Variants in SEC22C observed in about 807,000 individuals in gnomAD.
SEC22C encodes SEC22 homolog C, vesicle trafficking protein.
In SEC22C, 29 loss-of-function variants were observed where a neutral mutation model predicts 34.7. The ratio of observed to expected loss-of-function variants is 0.84; its 90% CI spans 0.62 to 1.14. SEC22C has a LOEUF of 1.14. SEC22C is among the 50% of genes most tolerant of loss of function. The pLI is 0.00. For synonymous variants in SEC22C, 117 were observed against 132.8 expected (o/e 0.88, Z 0.82); for missense variants, 337 against 369.0 (o/e 0.91, Z 0.71).
intron 1 of SEC22C, chr3:42,600,931 C>T (rs1705343301): frequency 2.5e-6 from 3 of 1,192,972 alleles, no homozygotes; most frequent in Middle Eastern, 3.0e-4. Flanking sequence ...CGCCCCTGCC[C>T]TCGCCCCCGC....
chr3:42,550,366 T>C lies in SEC22C; in HGVS notation c.*2882A>G, dbSNP rs963558640. ...TCCATGGTGGAGTGAGGATAACTCC[T>C]GGGATTTGGAACCAGTTTGCTGGTA... is the stretch of plus-strand genomic sequence containing the variant. On this transcript the variant is annotated 3_prime_UTR_variant, in exon 7 of 7. Coordinates refer to ENST00000264454, the MANE Select transcript of SEC22C (RefSeq NM_032970.4). 5.7e-5 allele frequency: 56 copies of C among 985,314 alleles called. No homozygotes were observed. The highest frequency in any genetic ancestry group is 1.0e-3 in the Middle Eastern group (2 of 1,936). The allele number at this position is 985,314 out of a possible 1,614,324, so 61.0% of individuals were successfully genotyped here.
chr3:42,552,924 G>A lies in SEC22C; in HGVS notation c.*324C>T. On this transcript the variant is annotated 3_prime_UTR_variant, in exon 7 of 7. Coordinates refer to ENST00000264454, the MANE Select transcript of SEC22C (RefSeq NM_032970.4). ...GTGTTATTGAATCAAGTGGTTTACT[G>A]TATCATTCAACTTAAAAGACCAAAA... 2 of 1,124,056 alleles carry A rather than the reference G, an allele frequency of 1.8e-6. No homozygotes were observed. Among genetic ancestry groups the A allele is most frequent in the Non-Finnish European group, 2.2e-6 (2 of 914,264 alleles). 69.6% of individuals were successfully genotyped at this position (1,124,056 alleles called of 1,614,324 possible).
At chr3:42,590,871 C>T in intron 1 of SEC22C, 1 of 1,605,452 alleles carries the variant, frequency 6.2e-7, no homozygotes, top group Non-Finnish European at 8.5e-7. Flanking sequence ...AGTTGCTTGG[C>T]GGTCGTGGTT....
chr3:42,552,062 G>T lies in SEC22C; in HGVS notation c.*1186C>A. The T allele has an allele frequency of 1.0e-6, 1 of 985,416 alleles. No homozygotes were observed. The highest frequency in any genetic ancestry group is 1.2e-6 in the Non-Finnish European group (1 of 829,922). 61.0% of individuals were successfully genotyped at this position (985,416 alleles called of 1,614,324 possible). A position where few individuals can be genotyped will look rare whatever the true frequency, so the allele number is the denominator to read the frequency against. ...AAAACAAGCCAGGCTGAAATTTCGG[G>T]AAACCTAAGGGATCTTATCCAGAAC... is the stretch of plus-strand genomic sequence containing the variant. On this transcript the variant is annotated 3_prime_UTR_variant, in exon 7 of 7. Coordinates refer to ENST00000264454, the MANE Select transcript of SEC22C (RefSeq NM_032970.4).
intron 1 of SEC22C, chr3:42,590,818 T>C: frequency 2.1e-6 from 3 of 1,430,750 alleles, no homozygotes; most frequent in Non-Finnish European, 3.0e-6. Flanking sequence ...GGCGGGAGCA[T>C]CCAATCAACT....
intron 5 of SEC22C, among the ~76,000 whole-genome samples, chr3:42,556,428 C>T (rs1049300208): frequency 6.6e-6 from 1 of 152,168 alleles, no homozygotes; most frequent in Non-Finnish European, 1.5e-5. Flanking sequence ...CTAATGTATA[C>T]AAACAAACAG....
intron 1 of SEC22C, chr3:42,600,384 G>C (rs1300009694): frequency 6.6e-6 from 1 of 152,228 alleles, no homozygotes; most frequent in Non-Finnish European, 1.5e-5. Context: ...CGCGGTATCG[G>C]AAAATGCGCG....
intron 2 of SEC22C, 111 bp from the exon 3 acceptor site, chr3:42,563,797 C>CCTGTAG: frequency 6.4e-7 from 1 of 1,559,432 alleles, no homozygotes; most frequent in Non-Finnish European, 8.7e-7. Flanking sequence ...TTTAAACAGT[C>CCTGTAG]CTGTAGCTGT....
At chr3:42,591,882 G>T (rs1704860983) in intron 1 of SEC22C, among the ~76,000 whole-genome samples, 1 of 152,162 alleles carries the variant, frequency 6.6e-6, no homozygotes, top group African/African-American at 2.4e-5. Flanking sequence ...CAACAGGGAT[G>T]GGGGTGAGAG....
rs145214891 is a variant in SEC22C, at chr3:42,581,677, T to C, written c.-28+169A>G. Among the ~76,000 whole-genome samples the C allele has an allele frequency of 3.0e-3, 461 of 152,314 alleles. 3 individuals are homozygous for C. Among genetic ancestry groups the C allele is most frequent in the African/African-American group, 0.011 (445 of 41,576 alleles). Reference sequence around the variant, plus strand: ...TGACGGGAGAAAGGGGACAGAGGACTCCAAGAAGCCCAGTGAAGCCCCGTG... The same window carrying C: ...TGACGGGAGAAAGGGGACAGAGGACCCCAAGAAGCCCAGTGAAGCCCCGTG... On this transcript the variant is annotated intron_variant, in intron 1 of 6. Coordinates refer to ENST00000264454, the MANE Select transcript of SEC22C (RefSeq NM_032970.4).
intron 1 of SEC22C, among the ~76,000 whole-genome samples, chr3:42,578,077 TA>T (rs1274322805): frequency 3.3e-5 from 5 of 152,114 alleles, no homozygotes; most frequent in African/African-American, 1.2e-4. Flanking sequence ...CCCAGAGAAA[TA>T]AAAATTTGTG....
chr3:42,600,461 T>C (rs964016943), intron 1 of SEC22C: 1 of 151,816 alleles, frequency 6.6e-6, no homozygotes, highest in Non-Finnish European at 1.5e-5. Flanking sequence ...ATTGGGCGAC[T>C]GACTTCAAAG....
chr3:42,592,203 CTT>C (rs957025945), intron 1 of SEC22C, among the ~76,000 whole-genome samples: 43 of 147,348 alleles, frequency 2.9e-4, no homozygotes, highest in African/African-American at 1.1e-3. Flanking sequence ...TTTTTCTTTT[CTT>C]TTTTTTTTTC....
chr3:42,583,024 A>C (rs553767408), upstream of SEC22C, among the ~76,000 whole-genome samples: 1 of 152,374 alleles, frequency 6.6e-6, no homozygotes, highest in African/African-American at 2.4e-5. Flanking sequence ...TTTTACCACA[A>C]AAAGAAAAGA....
chr3:42,548,845 A>C lies in SEC22C; in HGVS notation c.*4403T>G. The C allele has an allele frequency of 7.1e-7, 1 of 1,407,082 alleles. No individual in the cohort carries two copies. The highest frequency in any genetic ancestry group is 2.5e-5 in the East Asian group (1 of 39,480). 87.2% of individuals were successfully genotyped at this position (1,407,082 alleles called of 1,614,324 possible). ...GCTGTGCTGTGCTGCCTGAAGCAGA[A>C]AAACCTTCATGTACCAGGTGAATGT... is the stretch of plus-strand genomic sequence containing the variant. On this transcript the variant is annotated 3_prime_UTR_variant, in exon 7 of 7. Transcript: ENST00000264454.
upstream of SEC22C, among the ~76,000 whole-genome samples, chr3:42,584,422 T>A (rs1433522284): frequency 6.6e-6 from 1 of 152,158 alleles, no homozygotes; most frequent in Non-Finnish European, 1.5e-5. Context: ...GCCCAGCTAA[T>A]TTTTGTATTT....
upstream of SEC22C, among the ~76,000 whole-genome samples, chr3:42,585,793 A>G (rs1177650390): frequency 6.6e-6 from 1 of 152,084 alleles, no homozygotes; most frequent in African/African-American, 2.4e-5. Flanking sequence ...TCACAACCAC[A>G]CAGATCAGTG....
Position 42,552,193 on chromosome 3 carries a change from A to C in SEC22C, c.*1055T>G, listed in dbSNP as rs2125692581. On this transcript the variant is annotated 3_prime_UTR_variant, in exon 7 of 7. Transcript: ENST00000264454. ...CTATCAAGCTTTAAAAAGTTAACAG[A>C]TACTTAACTCTTGTTCATAAAAAAT... is the stretch of plus-strand genomic sequence containing the variant. The C allele has an allele frequency of 1.0e-6, 1 of 984,782 alleles. No individual in the cohort carries two copies. Among genetic ancestry groups the C allele is most frequent in the Non-Finnish European group, 1.2e-6 (1 of 829,322 alleles). The allele number at this position is 984,782 out of a possible 1,614,324, so 61.0% of individuals were successfully genotyped here.
chr3:42,592,495 C>T (rs1248381086), intron 1 of SEC22C, among the ~76,000 whole-genome samples: 2 of 152,152 alleles, frequency 1.3e-5, no homozygotes, highest in Admixed American at 6.5e-5. Context: ...CCACCACGGC[C>T]GACCTTATGC....
Sources: allele counts gnomAD v4.1 joint callset (sites outside exome capture counted in the v4.1 genomes callset), GRCh38; gene constraint gnomAD v4.1.1; transcripts MANE v1.5; gene names NCBI Gene and HGNC (gene_info 2026-07-23, HGNC 2026-07-21).